The following TNKS2 variants were observed in gnomAD, a reference collection of about 807,000 sequenced individuals.
TNKS2 encodes poly [ADP-ribose] polymerase tankyrase-2.
In TNKS2, 72 loss-of-function variants were observed where a neutral mutation model predicts 137.6. That is an observed-to-expected ratio of 0.52 (90% CI 0.43 to 0.64). TNKS2 has a LOEUF of 0.64. TNKS2 is among the 30% of genes least tolerant of loss of function. The pLI, the probability that TNKS2 is intolerant of heterozygous loss-of-function variation, is 0.00. For missense variants in TNKS2, 1,049 were observed against 1,410.2 expected (o/e 0.74, Z 4.10); for synonymous variants, 516 against 512.1 (o/e 1.01, Z -0.10).
chr10:91,823,807 T>C (rs117671730), intron 7 of TNKS2, among the ~76,000 whole-genome samples: 1,930 of 152,324 alleles, frequency 0.013, 113 homozygotes, highest in Admixed American at 0.099. Flanking sequence ...GACACTTGTT[T>C]CCAGTGCCTC....
intron 21 of TNKS2, among the ~76,000 whole-genome samples, chr10:91,852,442 C>T (rs754722879): frequency 2.0e-4 from 31 of 151,522 alleles, no homozygotes; most frequent in Non-Finnish European, 3.2e-4. Context: ...CACCTGTAGT[C>T]CCACTTACTC....
At chr10:91,845,056 A>C in intron 17 of TNKS2, 28 bp downstream of exon 17, 1 of 1,470,010 alleles carries the variant, frequency 6.8e-7, no homozygotes, top group Non-Finnish European at 9.4e-7. Context: ...ACCTTTAAAA[A>C]TTTGTGGAAT....
chr10:91,837,033 GT>G, intron 13 of TNKS2, 35 bp downstream of exon 13: 1 of 1,602,064 alleles, frequency 6.2e-7, no homozygotes, highest in East Asian at 2.2e-5. Context: ...TTAACTTTGG[GT>G]TTTTATTTTG....
rs558921399 is a variant in TNKS2, at chr10:91,798,583, C to T, written c.-108C>T. 15 of 1,170,790 alleles carry T rather than the reference C, an allele frequency of 1.3e-5. No individual in the cohort carries two copies. In the Admixed American group the frequency reaches 5.8e-4, roughly 45 times the overall value. The allele number at this position is 1,170,790 out of a possible 1,614,324, so 72.5% of individuals were successfully genotyped here. ...GGTGACAGCAGGGAGCCAAGCGGCCCGGGCCCTGAGCGCGTCTTCTCCGGG... is the reference window on the plus strand; with the variant it reads ...GGTGACAGCAGGGAGCCAAGCGGCCTGGGCCCTGAGCGCGTCTTCTCCGGG... On this transcript the variant is annotated 5_prime_UTR_variant, in exon 1 of 27. Coordinates refer to ENST00000371627, the MANE Select transcript of TNKS2 (RefSeq NM_025235.4).
chr10:91,855,274 TAATATTACTCTAGAA>T (rs1281517649), intron 22 of TNKS2, 148 bp downstream of exon 22: 4 of 636,710 alleles, frequency 6.3e-6, no homozygotes, highest in African/African-American at 1.9e-5. Context: ...ATTACTAGAG[TAATATTACTCTAGAA>T]AATATTACTC....
chr10:91,859,311 C>G (rs1457881772), intron 24 of TNKS2, 151 bp from the exon 25 acceptor site: 1 of 536,506 alleles, frequency 1.9e-6, no homozygotes, highest in Non-Finnish European at 3.1e-6. Context: ...TCTAAAATAG[C>G]TGGCTGACAG....
intron 3 of TNKS2, among the ~76,000 whole-genome samples, chr10:91,818,427 A>G (rs1285165355): frequency 6.6e-6 from 1 of 152,210 alleles, no homozygotes; most frequent in Non-Finnish European, 1.5e-5. Context: ...AAAGATGTTA[A>G]TGATTATGTT....
At position 91,827,147 on chromosome 10, in the gene TNKS2, A is replaced by G; in HGVS notation, c.926A>G (p.His309Arg). ...YGADPTLLNC[H>R]NKSAIDLAPT... is the part of the protein sequence containing the mutation. ...GCAGACCCAACACTGCTCAATTGTC[A>G]CAATAAAAGTGCTATAGACTTGGCT... Residue 309 changes from histidine (H) to arginine (R), a missense_variant, in exon 8 of 27, where the codon CAC (histidine) becomes CGC (arginine). His to Arg is a conservative substitution (Grantham distance 29). Around this residue, in one of 6 missense-constraint regions of TNKS2, gnomAD observed 374 missense variants for 460.8 expected, o/e 0.81. Transcript: ENST00000371627. 1 of 1,604,918 alleles carries G rather than the reference A, an allele frequency of 6.2e-7. No individual in the cohort carries two copies. Among genetic ancestry groups the G allele is most frequent in the Non-Finnish European group, 8.5e-7 (1 of 1,175,276 alleles).
At chr10:91,832,464 C>A (rs1462481169) in intron 11 of TNKS2, among the ~76,000 whole-genome samples, 1 of 102,026 alleles carries the variant, frequency 9.8e-6, no homozygotes, top group Non-Finnish European at 1.8e-5. Context: ...CAAAGTGGTA[C>A]CCAAATAGTT....
chr10:91,833,926 G>A lies in TNKS2; in HGVS notation c.1349G>A (p.Arg450His), dbSNP rs747895530. ...AAYCGHLQTC[R>H]LLLSYGCDPN... ...TATTGTGGTCATCTACAAACCTGCC[G>A]CCTACTCCTGAGCTATGGGTGTGAT... Residue 450 changes from arginine to histidine, a missense_variant, in exon 12 of 27, where the codon CGC becomes CAC. This residue lies in a region of TNKS2 where 328 missense variants were observed against 436.0 expected (regional missense o/e 0.75). Transcript: ENST00000371627. 12 of 1,613,806 alleles carry A rather than the reference G, an allele frequency of 7.4e-6. No individual in the cohort carries two copies. Among genetic ancestry groups the A allele is most frequent in the South Asian group, 3.3e-5 (3 of 91,036 alleles).
At chr10:91,813,786 T>G (rs912149625) in intron 2 of TNKS2, among the ~76,000 whole-genome samples, 31 of 152,218 alleles carry the variant, frequency 2.0e-4, no homozygotes, top group African/African-American at 7.2e-4. Flanking sequence ...ATAAGGGTGG[T>G]CCATAAGATG....
At chr10:91,847,513 C>T (rs775943479) in intron 18 of TNKS2, among the ~76,000 whole-genome samples, 63 of 152,186 alleles carry the variant, frequency 4.1e-4, no homozygotes, top group Middle Eastern at 3.4e-3. Context: ...TACAGGCATG[C>T]GCCACCACAC....
intron 13 of TNKS2, among the ~76,000 whole-genome samples, chr10:91,839,114 G>A (rs191119645): frequency 2.6e-5 from 4 of 152,202 alleles, no homozygotes; most frequent in Non-Finnish European, 5.9e-5. Flanking sequence ...TGATCCACCC[G>A]CCTGGCCTCC....
chr10:91,836,063 A>T, intron 12 of TNKS2, among the ~76,000 whole-genome samples: 1 of 98,916 alleles, frequency 1.0e-5, no homozygotes. Flanking sequence ...TTTTTTTGAG[A>T]CGAAGTTTCA....
Position 91,827,157 on chromosome 10 carries a change from T to C in TNKS2, c.936T>C (p.Ser312=). Residue 312 remains serine, a synonymous_variant, in exon 8 of 27, where the codon AGT becomes AGC. Transcript: ENST00000371627. ...CACTGCTCAATTGTCACAATAAAAG[T>C]GCTATAGACTTGGCTCCCACACCAC... The part of the protein sequence containing the change: ...DPTLLNCHNK[S]AIDLAPTPQL... The C allele has an allele frequency of 1.9e-6, 3 of 1,593,252 alleles. No homozygotes were observed. The South Asian group carries it at 3.4e-5, about 18-fold the overall frequency.
intron 23 of TNKS2, among the ~76,000 whole-genome samples, chr10:91,856,871 GTAT>G (rs1330424040): frequency 1.3e-5 from 2 of 152,086 alleles, no homozygotes; most frequent in Admixed American, 1.3e-4. Flanking sequence ...AACAACACTA[GTAT>G]TGTGAATTTT....
chr10:91,848,796 C>T (rs1241759543), intron 19 of TNKS2, among the ~76,000 whole-genome samples, 161 bp downstream of exon 19: 1 of 152,090 alleles, frequency 6.6e-6, no homozygotes, highest in African/African-American at 2.4e-5. Flanking sequence ...TTTCTTCCTT[C>T]CAAGTTGACA....
At position 91,798,671 on chromosome 10, in the gene TNKS2, C is replaced by G; in HGVS notation, c.-20C>G. On this transcript the variant is annotated 5_prime_UTR_variant, in exon 1 of 27. Transcript: ENST00000371627. ...CTCCGGTTGCTGGCGCTGTTGCTGG[C>G]TGTGGCGGCGGCCAGGATCATGTCG... 8.2e-7 allele frequency: 1 copy of G among 1,223,156 alleles called. No homozygotes were observed. The highest frequency in any genetic ancestry group is 1.6e-5 in the African/African-American group (1 of 63,788). The allele number at this position is 1,223,156 out of a possible 1,614,324, so 75.8% of individuals were successfully genotyped here.
rs1309582014 is a variant in TNKS2 at position 91,831,098 on chromosome 10, C to G, written c.1197-5C>G. On this transcript the variant is annotated splice_polypyrimidine_tract_variant and splice_region_variant and intron_variant, in intron 10 of 26. Transcript: ENST00000371627. ...TCACTGTCTGGCTGATTTTTTCTCT[C>G]TAAGATTCTTGACTCCTCTGCACGT... 6.2e-7 allele frequency: 1 copy of G among 1,613,892 alleles called. No individual in the cohort carries two copies. Among genetic ancestry groups the G allele is most frequent in the African/African-American group, 1.3e-5 (1 of 75,024 alleles).
Sources: allele counts gnomAD v4.1 joint callset (sites outside exome capture counted in the v4.1 genomes callset), GRCh38; gene constraint gnomAD v4.1.1; regional missense constraint gnomAD v4.1.1; transcripts MANE v1.5; gene names NCBI Gene and HGNC (gene_info 2026-07-23, HGNC 2026-07-21).